Variants in LARP1 observed in about 807,000 individuals in gnomAD.
LARP1 encodes la-related protein 1.
In LARP1, 36 loss-of-function variants were observed where a neutral mutation model predicts 122.7. That is an observed-to-expected ratio of 0.29 (90% CI 0.22 to 0.39). LARP1 has a LOEUF of 0.39. Ranked by LOEUF, LARP1 falls within the 10% of genes least tolerant of loss-of-function variation. LARP1 has a pLI of 1.00. For synonymous variants in LARP1, 539 were observed against 528.7 expected, an observed-to-expected ratio of 1.02 and a Z score of -0.27; for missense variants, 1,040 against 1,403.6, an observed-to-expected ratio of 0.74 and a Z score of 4.14.
At chr5:154,750,166 T>G (rs1364879331) in intron 1 of LARP1, among the ~76,000 whole-genome samples, 1 of 152,268 alleles carries the variant, frequency 6.6e-6, no homozygotes, top group Non-Finnish European at 1.5e-5. Flanking sequence ...AAGCACATAA[T>G]TAATTACAAA....
intron 9 of LARP1, 49 bp from the exon 10 acceptor site, chr5:154,799,824 A>T (rs781093710): frequency 1.9e-6 from 3 of 1,610,922 alleles, no homozygotes; most frequent in Non-Finnish European, 2.5e-6. Context: ...CAGGGCTGGC[A>T]TCAGGAGGAG....
chr5:154,748,947 C>T (rs1466403342), intron 1 of LARP1, among the ~76,000 whole-genome samples: 1 of 152,208 alleles, frequency 6.6e-6, no homozygotes, highest in Non-Finnish European at 1.5e-5. Flanking sequence ...GTTTTGCTCA[C>T]TTTTCTATGT....
At chr5:154,745,631 A>G (rs1176745058) in intron 1 of LARP1, among the ~76,000 whole-genome samples, 2 of 152,216 alleles carry the variant, frequency 1.3e-5, no homozygotes, top group African/African-American at 4.8e-5. Flanking sequence ...GAACACTTTC[A>G]CAAATATTGG....
intron 1 of LARP1, among the ~76,000 whole-genome samples, chr5:154,727,529 G>A (rs2113382749): frequency 6.6e-6 from 1 of 152,208 alleles, no homozygotes; most frequent in African/African-American, 2.4e-5. Flanking sequence ...ATTGGTCAAA[G>A]GCTACAAAAT....
intron 1 of LARP1, among the ~76,000 whole-genome samples, chr5:154,693,753 G>A (rs897742824): frequency 6.6e-6 from 1 of 151,990 alleles, no homozygotes; most frequent in Non-Finnish European, 1.5e-5. Context: ...CTACGCGGGA[G>A]GCTGAGGCAG....
At chr5:154,749,312 G>T (rs906029146) in intron 1 of LARP1, among the ~76,000 whole-genome samples, 1 of 152,196 alleles carries the variant, frequency 6.6e-6, no homozygotes, top group Admixed American at 6.5e-5. Context: ...ATGAGAAGAG[G>T]CTGGGATGGT....
At chr5:154,720,390 G>A (rs775807005) in intron 1 of LARP1, among the ~76,000 whole-genome samples, 21 of 152,068 alleles carry the variant, frequency 1.4e-4, no homozygotes, top group Non-Finnish European at 2.8e-4. Context: ...TACAGGTTAG[G>A]GAAAATAGAG....
intron 1 of LARP1, among the ~76,000 whole-genome samples, chr5:154,771,407 G>A (rs192900985): frequency 3.9e-5 from 6 of 152,088 alleles, no homozygotes; most frequent in Admixed American, 2.6e-4. Context: ...CTCATTTTAC[G>A]GATGACAAAA....
chr5:154,811,553 A>G lies in LARP1; in HGVS notation c.2994A>G (p.Lys998=), dbSNP rs144671352. 2,526 of 1,614,226 alleles carry G rather than the reference A, an allele frequency of 1.6e-3. 4 individuals are homozygous for G. Among genetic ancestry groups the G allele is most frequent in the Non-Finnish European group, 2.0e-3 (2,365 of 1,180,048 alleles). The change falls in exon 18 of 19, where the codon AAA becomes AAG. Residue 998 remains lysine, a synonymous_variant. Coordinates refer to ENST00000518297, the MANE Select transcript of LARP1 (RefSeq NM_033551.3). Reference sequence around the variant, plus strand: ...TGGAGAAGTTCTGGGCCTTCTTGAAATATTCCAAAGCCAAAAATTTGGACA... The same window carrying G: ...TGGAGAAGTTCTGGGCCTTCTTGAAGTATTCCAAAGCCAAAAATTTGGACA... ...YGLEKFWAFL[K]YSKAKNLDID... is the part of the protein sequence containing the mutation.
At chr5:154,788,107 T>C (rs961555628) in intron 1 of LARP1, among the ~76,000 whole-genome samples, 31 of 152,176 alleles carry the variant, frequency 2.0e-4, no homozygotes, top group African/African-American at 7.5e-4. Flanking sequence ...CTGGGAGAAG[T>C]GATTACCAGC....
intron 1 of LARP1, among the ~76,000 whole-genome samples, chr5:154,757,871 T>TG (rs1754119867): frequency 1.4e-5 from 1 of 73,488 alleles, no homozygotes; most frequent in African/African-American, 5.8e-5. Flanking sequence ...CCTTCCCCCC[T>TG]CCTCCCCTTC....
chr5:154,756,186 C>G lies in LARP1; in HGVS notation c.429C>G (p.Ser143=). ...PPVLTTVNGQ[S]PPEHSAPAKV... ...TCCTGACCACCGTGAACGGACAGTCCCCCCCAGGTGGGTCTCCCTCCTTGC... is the reference window on the plus strand; with the variant it reads ...TCCTGACCACCGTGAACGGACAGTCGCCCCCAGGTGGGTCTCCCTCCTTGC... The change falls in exon 1 of 19, where the codon TCC becomes TCG. Residue 143 remains serine, a synonymous_variant. Coordinates refer to ENST00000518297, the MANE Select transcript of LARP1 (RefSeq NM_033551.3). 1 of 1,300,612 alleles carries G rather than the reference C, an allele frequency of 7.7e-7. No individual in the cohort carries two copies. Among genetic ancestry groups the G allele is most frequent in the South Asian group, 1.2e-5 (1 of 82,366 alleles). The allele number at this position is 1,300,612 out of a possible 1,614,324, so 80.6% of individuals were successfully genotyped here. A position where few individuals can be genotyped will look rare whatever the true frequency, so the allele number is the denominator to read the frequency against.
intron 16 of LARP1, among the ~76,000 whole-genome samples, 160 bp downstream of exon 16, chr5:154,808,763 TG>T (rs1203065256): frequency 6.6e-5 from 10 of 152,222 alleles, no homozygotes; most frequent in African/African-American, 2.4e-4. Flanking sequence ...TATATTCACA[TG>T]GTTCAAATTT....
chr5:154,787,179 A>G (rs549007570), intron 1 of LARP1, among the ~76,000 whole-genome samples: 5 of 152,254 alleles, frequency 3.3e-5, no homozygotes, highest in African/African-American at 7.2e-5. Flanking sequence ...GTGTCTGGCT[A>G]TAACTGTTTT....
intron 8 of LARP1, 30 bp downstream of exon 8, chr5:154,795,349 A>AG (rs1757665534): frequency 6.2e-7 from 1 of 1,608,814 alleles, no homozygotes. Context: ...GCTGGGATGC[A>AG]GGGGAAAGAA....
chr5:154,715,117 T>G, intron 1 of LARP1, among the ~76,000 whole-genome samples: 3 of 144,584 alleles, frequency 2.1e-5, no homozygotes, highest in Non-Finnish European at 1.5e-5. Flanking sequence ...GAGGCAGAGG[T>G]TGCAGTGAGC....
intron 1 of LARP1, among the ~76,000 whole-genome samples, chr5:154,699,386 G>A (rs1461084400): frequency 6.6e-6 from 1 of 152,134 alleles, no homozygotes; most frequent in Non-Finnish European, 1.5e-5. Flanking sequence ...TAAAGCATTA[G>A]GCCAGGTGTG....
chr5:154,806,429 C>CA (rs1269573602), intron 15 of LARP1, among the ~76,000 whole-genome samples: 1 of 152,160 alleles, frequency 6.6e-6, no homozygotes, highest in African/African-American at 2.4e-5. Flanking sequence ...CAAATCCAGC[C>CA]AGTATTCTGT....
At chr5:154,726,730 G>A (rs1756236986) in intron 1 of LARP1, among the ~76,000 whole-genome samples, 1 of 152,184 alleles carries the variant, frequency 6.6e-6, no homozygotes, top group African/African-American at 2.4e-5. Context: ...ATGCTGCTAT[G>A]AAGAAAGACC....
Sources: allele counts gnomAD v4.1 joint callset (sites outside exome capture counted in the v4.1 genomes callset), GRCh38; gene constraint gnomAD v4.1.1; transcripts MANE v1.5; gene names NCBI Gene and HGNC (gene_info 2026-07-23, HGNC 2026-07-21).